LRTM1: variants seen among roughly 807,000 people sequenced by gnomAD.
The protein encoded by LRTM1 is leucine rich repeat transmembrane protein 1.
Under a neutral mutation model 32.4 loss-of-function variants are expected in LRTM1, and 38 were observed. The observed-to-expected ratio is 1.17, with a 90% CI of 0.91 to 1.54. The LOEUF is 1.54. Ranked by LOEUF, LRTM1 falls within the 40% of genes most tolerant of loss-of-function variation. LRTM1 has a pLI of 0.00. For synonymous variants in LRTM1, 186 were observed against 169.9 expected, an observed-to-expected ratio of 1.09 and a Z score of -0.74; for missense variants, 466 against 415.4, an observed-to-expected ratio of 1.12 and a Z score of -1.06.
chr3:54,923,098 G>T (rs1267951837), intron 2 of LRTM1, among the ~76,000 whole-genome samples: 1 of 152,072 alleles, frequency 6.6e-6, no homozygotes, highest in Non-Finnish European at 1.5e-5. Flanking sequence ...CCTTTCGTCA[G>T]TTCTCCCAAG....
chr3:54,962,484 G>T (rs147082726), intron 1 of LRTM1, among the ~76,000 whole-genome samples: 1 of 152,306 alleles, frequency 6.6e-6, no homozygotes, highest in East Asian at 1.9e-4. Context: ...TAACATGAAT[G>T]ATGACAACAC....
In LRTM1 at chr3:54,963,765, G is replaced by A. The variant is rs1269247860; in HGVS notation, c.-222+3163C>T. 3.9e-5 allele frequency among the ~76,000 whole-genome samples: 6 copies of A among 152,272 alleles called. No homozygotes were observed. The South Asian group carries it at 8.3e-4, about 21-fold the overall frequency. ...CCCTCCCCAGGCCTGTACCCCTGGC[G>A]GTTGTGTCTCTCACATCTTTTTCTC... On this transcript the variant is annotated intron_variant, in intron 1 of 2. Coordinates refer to the LRTM1 transcript ENST00000493075.
At chr3:54,952,904 T>A (rs533599304) in intron 1 of LRTM1, among the ~76,000 whole-genome samples, 19 of 152,308 alleles carry the variant, frequency 1.2e-4, no homozygotes, top group African/African-American at 4.6e-4. Context: ...AGGTCTGGCT[T>A]ACTTGTCTTC....
At chr3:54,932,225 A>G (rs1010597657), upstream of LRTM1, among the ~76,000 whole-genome samples, 6 of 152,290 alleles carry the variant, frequency 3.9e-5, no homozygotes, top group Middle Eastern at 3.4e-3. Flanking sequence ...AACTAAATAT[A>G]CCCATCTGGG....
intron 1 of LRTM1, among the ~76,000 whole-genome samples, chr3:54,950,347 C>T (rs1344413486): frequency 4.6e-5 from 7 of 152,140 alleles, no homozygotes; most frequent in Non-Finnish European, 7.3e-5. Flanking sequence ...TACAAAGGCC[C>T]CTTTTAATCT....
chr3:54,919,012 C>A (rs1273255190), intron 2 of LRTM1, 120 bp from the exon 3 acceptor site: 2 of 766,624 alleles, frequency 2.6e-6, no homozygotes, highest in African/African-American at 1.8e-5. Context: ...TTTTTTAAAT[C>A]CTGGAGTCAA....
chr3:54,924,288 G>A (rs1450421226), intron 2 of LRTM1, among the ~76,000 whole-genome samples: 2 of 152,206 alleles, frequency 1.3e-5, no homozygotes, highest in Non-Finnish European at 2.9e-5. Flanking sequence ...AGAGGTTGGT[G>A]TTATTTGGGG....
At chr3:54,920,820 G>A (rs564749451) in intron 2 of LRTM1, among the ~76,000 whole-genome samples, 2 of 152,266 alleles carry the variant, frequency 1.3e-5, no homozygotes, top group Admixed American at 1.3e-4. Context: ...CCTTGACTAG[G>A]GTGGTTTACC....
chr3:54,945,768 G>A (rs1019908184), intron 1 of LRTM1, among the ~76,000 whole-genome samples: 1 of 152,120 alleles, frequency 6.6e-6, no homozygotes, highest in African/African-American at 2.4e-5. Flanking sequence ...AGGTGTCCTG[G>A]GCCATTGTAT....
At chr3:54,940,541 G>A (rs1314064078) in intron 1 of LRTM1, among the ~76,000 whole-genome samples, 3 of 152,092 alleles carry the variant, frequency 2.0e-5, no homozygotes, top group Admixed American at 1.3e-4. Context: ...ACACCAGTCC[G>A]TAAAGCCCCC....
intron 1 of LRTM1, among the ~76,000 whole-genome samples, chr3:54,933,062 TTCC>T (rs1471532562): frequency 6.9e-5 from 1 of 14,538 alleles, no homozygotes; most frequent in Non-Finnish European, 1.1e-4. Context: ...CCTTCCTTCC[TTCC>T]TTCCTTCCTT....
In LRTM1 at chr3:54,924,669, T is replaced by C. The variant is rs1219381131; in HGVS notation, c.554A>G (p.Asn185Ser). 3.7e-6 allele frequency: 6 copies of C among 1,613,972 alleles called. No homozygotes were observed. The highest frequency in any genetic ancestry group is 1.1e-5 in the South Asian group (1 of 91,076). Reference sequence around the variant, plus strand: ...GAGTTTAAGACCGAGCAAGTGGCAATTGCATTTCCAGAGGTTGTCCTTGAG... The same window carrying C: ...GAGTTTAAGACCGAGCAAGTGGCAACTGCATTTCCAGAGGTTGTCCTTGAG... ...LLLKDNLWKC[N>S]CHLLGLKLWL... Residue 185 changes from asparagine (N) to serine (S), a missense_variant, in exon 2 of 3, where the codon AAT (asparagine) becomes AGT (serine). Asn to Ser is a conservative substitution (Grantham distance 46). Transcript: ENST00000273286.
chr3:54,929,309 A>C (rs1026498373), upstream of LRTM1, among the ~76,000 whole-genome samples: 1 of 152,140 alleles, frequency 6.6e-6, no homozygotes, highest in African/African-American at 2.4e-5. Context: ...ACAATTTTGC[A>C]TGAGAAAGGC....
intron 1 of LRTM1, among the ~76,000 whole-genome samples, chr3:54,938,777 G>A (rs373895287): frequency 2.0e-5 from 3 of 152,314 alleles, no homozygotes; most frequent in African/African-American, 7.2e-5. Context: ...AAAAGTTGTT[G>A]TGGTCTGTGC....
At position 54,924,811 on chromosome 3, in the gene LRTM1, G is replaced by GA; in HGVS notation, c.411dup (p.Pro138SerfsTer25). 6.2e-7 allele frequency: 1 copy of GA among 1,614,114 alleles called. No homozygotes were observed. Among genetic ancestry groups the GA allele is most frequent in the Non-Finnish European group, 8.5e-7 (1 of 1,180,024 alleles). ...TCCCAAGTCTCTCCCAAGGATGTGG[G>GA]AAGGTGGCTTATGTTGTTTGATGAC... is the stretch of plus-strand genomic sequence containing the variant. On this transcript the variant is annotated frameshift_variant, in exon 2 of 3. Coordinates refer to ENST00000273286, the MANE Select transcript of LRTM1 (RefSeq NM_020678.4). LOFTEE classifies it high-confidence loss of function.
At chr3:54,926,453 C>T (rs1026992276) in intron 1 of LRTM1, among the ~76,000 whole-genome samples, 17 of 151,732 alleles carry the variant, frequency 1.1e-4, no homozygotes, top group African/African-American at 3.9e-4. Flanking sequence ...CACTTTTCCT[C>T]CCTCCAGAGT....
At chr3:54,944,905 G>A (rs891952364) in intron 1 of LRTM1, among the ~76,000 whole-genome samples, 1 of 151,922 alleles carries the variant, frequency 6.6e-6, no homozygotes, top group African/African-American at 2.4e-5. Context: ...TTTTCAAGGT[G>A]AAGGCTCTCC....
At chr3:54,925,559 A>C (rs996214739) in intron 1 of LRTM1, among the ~76,000 whole-genome samples, 9 of 152,198 alleles carry the variant, frequency 5.9e-5, no homozygotes, top group African/African-American at 2.2e-4. Context: ...GCCACAACAG[A>C]ATTATTTGGG....
chr3:54,934,317 A>C (rs1312552520), intron 1 of LRTM1, among the ~76,000 whole-genome samples: 1 of 152,190 alleles, frequency 6.6e-6, no homozygotes, highest in Non-Finnish European at 1.5e-5. Flanking sequence ...AGGTGAGAAC[A>C]TAGTTCCCTC....
Sources: allele counts gnomAD v4.1 joint callset (sites outside exome capture counted in the v4.1 genomes callset), GRCh38; gene constraint gnomAD v4.1.1; transcripts MANE v1.5; gene names NCBI Gene and HGNC (gene_info 2026-07-23, HGNC 2026-07-21).